The following ADAM18 variants were observed in gnomAD, a reference collection of about 807,000 sequenced individuals.
ADAM18 encodes disintegrin and metalloproteinase domain-containing protein 18.
In ADAM18, 117 loss-of-function variants were observed where a neutral mutation model predicts 94.4. The observed-to-expected ratio is 1.24, with a 90% confidence interval of 1.07 to 1.45. The LOEUF is 1.45. ADAM18 is among the 40% of genes most tolerant of loss of function. The pLI, the probability that ADAM18 is intolerant of heterozygous loss-of-function variation, is 0.00. For missense variants in ADAM18, 936 were observed against 880.0 expected (o/e 1.06, Z -0.81); for synonymous variants, 327 against 291.6 (o/e 1.12, Z -1.24).
chr8:39,669,111 T>C lies in ADAM18; in HGVS notation c.1525+915T>C, dbSNP rs555321736. Among the ~76,000 whole-genome samples, 3 of 152,070 alleles carry C rather than the reference T, an allele frequency of 2.0e-5. No individual in the cohort carries two copies. In the East Asian group the frequency reaches 5.8e-4, roughly 29 times the overall value. On this transcript the variant is annotated intron_variant, in intron 14 of 19. Coordinates refer to ENST00000265707, the MANE Select transcript of ADAM18 (RefSeq NM_014237.3). ...TTTCTGTTTGAATAGTATTGTTATT[T>C]TTAAGCAGGGTTTAAAATATCTCTT...
At chr8:39,617,479 A>G (rs1819477261) in intron 6 of ADAM18, among the ~76,000 whole-genome samples, 1 of 152,220 alleles carries the variant, frequency 6.6e-6, no homozygotes, top group Non-Finnish European at 1.5e-5. Flanking sequence ...CAGCAACTCC[A>G]TTATTGGGTA....
chr8:39,626,375 A>G (rs189384225), intron 6 of ADAM18, among the ~76,000 whole-genome samples: 266 of 151,970 alleles, frequency 1.8e-3, no homozygotes, highest in African/African-American at 6.2e-3. Flanking sequence ...TTCATTGATC[A>G]TTTTAATATT....
At chr8:39,619,363 C>T (rs1287152654) in intron 6 of ADAM18, among the ~76,000 whole-genome samples, 4 of 152,174 alleles carry the variant, frequency 2.6e-5, no homozygotes, top group South Asian at 4.1e-4. Flanking sequence ...CTTCAGAATT[C>T]ACATGTTTTT....
intron 17 of ADAM18, among the ~76,000 whole-genome samples, chr8:39,702,325 CTTTTTAATGGGGTT>C (rs1822103782): frequency 6.6e-6 from 1 of 152,002 alleles, no homozygotes; most frequent in South Asian, 2.1e-4. Flanking sequence ...CATTTGCCCA[CTTTTTAATGGGGTT>C]TTTTTTCTTC....
intron 2 of ADAM18, among the ~76,000 whole-genome samples, chr8:39,594,793 G>GTTTTTTTTTTTTTTTTTTTTTTTTTTTA (rs71237182): frequency 2.1e-5 from 1 of 46,848 alleles, no homozygotes; most frequent in African/African-American, 8.2e-5. Context: ...TTTGCTGTGA[G>GTTTTTTTTTTTTTTTTTTTTTTTTTTTA]TTTTTTTTTT....
At chr8:39,666,335 T>C (rs752305025) in intron 13 of ADAM18, among the ~76,000 whole-genome samples, 17 of 152,102 alleles carry the variant, frequency 1.1e-4, no homozygotes, top group Non-Finnish European at 2.1e-4. Flanking sequence ...CCACCACGCC[T>C]GGCTACTCAG....
chr8:39,675,284 C>T (rs955983849), intron 14 of ADAM18, among the ~76,000 whole-genome samples: 1 of 152,200 alleles, frequency 6.6e-6, no homozygotes, highest in Admixed American at 6.5e-5. Flanking sequence ...TTGGTCTTTT[C>T]ACATAGTCCC....
chr8:39,667,879 A>G, intron 13 of ADAM18, 119 bp from the exon 14 acceptor site: 1 of 1,012,390 alleles, frequency 9.9e-7, no homozygotes, highest in South Asian at 1.6e-5. Context: ...CGGACTTGGG[A>G]ACTCTGGTGT....
chr8:39,617,941 A>G (rs922952915), intron 6 of ADAM18, among the ~76,000 whole-genome samples: 2 of 152,146 alleles, frequency 1.3e-5, no homozygotes, highest in African/African-American at 2.4e-5. Flanking sequence ...CAATTTACCT[A>G]TGTATCAAAC....
At chr8:39,665,278 T>C (rs1483527201) in intron 13 of ADAM18, among the ~76,000 whole-genome samples, 3 of 152,218 alleles carry the variant, frequency 2.0e-5, no homozygotes, top group Non-Finnish European at 4.4e-5. Context: ...CATTCCTTTA[T>C]AGTGACTGCA....
chr8:39,717,991 A>G (rs573313807), intron 18 of ADAM18, among the ~76,000 whole-genome samples: 2 of 151,682 alleles, frequency 1.3e-5, no homozygotes, highest in East Asian at 1.9e-4. Flanking sequence ...TATGCAAATA[A>G]CACTAATCAT....
At chr8:39,686,872 T>A (rs1821619517) in intron 16 of ADAM18, among the ~76,000 whole-genome samples, 1 of 152,230 alleles carries the variant, frequency 6.6e-6, no homozygotes, top group African/African-American at 2.4e-5. Flanking sequence ...ACTAAAGGTA[T>A]GTTTCCATTA....
chr8:39,649,068 A>G (rs1265024855), intron 12 of ADAM18, among the ~76,000 whole-genome samples: 1 of 152,112 alleles, frequency 6.6e-6, no homozygotes, highest in Admixed American at 6.6e-5. Flanking sequence ...ATTATTTTCA[A>G]CAGGTGAGAT....
At chr8:39,724,056 A>G in intron 19 of ADAM18, 149 bp downstream of exon 19, 2 of 601,084 alleles carry the variant, frequency 3.3e-6, no homozygotes, top group Non-Finnish European at 4.9e-6. Flanking sequence ...TTGTGTTTCA[A>G]TAATTTGTTA....
chr8:39,687,202 A>G (rs1821630320), intron 16 of ADAM18, among the ~76,000 whole-genome samples: 1 of 152,224 alleles, frequency 6.6e-6, no homozygotes, highest in Non-Finnish European at 1.5e-5. Flanking sequence ...AAATAATCTC[A>G]AAAACATTGA....
intron 7 of ADAM18, among the ~76,000 whole-genome samples, chr8:39,631,232 G>A (rs150897911): frequency 8.0e-4 from 122 of 151,762 alleles, no homozygotes; most frequent in African/African-American, 2.9e-3. Flanking sequence ...TCCAATTTAT[G>A]TTTTCTTAAT....
chr8:39,692,528 G>A, intron 16 of ADAM18, 72 bp from the exon 17 acceptor site: 1 of 867,802 alleles, frequency 1.2e-6, no homozygotes, highest in Non-Finnish European at 1.7e-6. Flanking sequence ...TACATATATA[G>A]AAATCATTAA....
At chr8:39,707,600 T>C (rs1267538952) in intron 18 of ADAM18, among the ~76,000 whole-genome samples, 1 of 152,218 alleles carries the variant, frequency 6.6e-6, no homozygotes, top group East Asian at 1.9e-4. Context: ...TGAAGATTTG[T>C]TTTAACCATA....
At chr8:39,644,075 A>G (rs1323425565) in intron 10 of ADAM18, among the ~76,000 whole-genome samples, 1 of 151,996 alleles carries the variant, frequency 6.6e-6, no homozygotes, top group Non-Finnish European at 1.5e-5. Flanking sequence ...CATGTACACA[A>G]TCTTTTTTCT....
Sources: allele counts gnomAD v4.1 joint callset (sites outside exome capture counted in the v4.1 genomes callset), GRCh38; gene constraint gnomAD v4.1.1; transcripts MANE v1.5; gene names NCBI Gene and HGNC (gene_info 2026-07-23, HGNC 2026-07-21).